The following FRMD4B variants were observed in gnomAD, a reference collection of about 807,000 sequenced individuals.
FRMD4B encodes the protein FERM domain containing 4B.
A neutral mutation model predicts 141.5 loss-of-function variants in FRMD4B; 74 were observed. The ratio of observed to expected loss-of-function variants is 0.52; its 90% CI spans 0.43 to 0.63. The LOEUF (loss-of-function observed/expected upper bound fraction) is 0.63, where lower values mean the gene tolerates loss of function less well. FRMD4B is among the 30% of genes least tolerant of loss of function. The pLI is 0.00. For missense variants in FRMD4B, 1,366 were observed against 1,253.4 expected (o/e 1.09, Z -1.36); for synonymous variants, 506 against 467.9 (o/e 1.08, Z -1.05).
At chr3:69,198,562 C>G (rs996763969) in intron 12 of FRMD4B, 136 bp downstream of exon 12, 1 of 619,546 alleles carries the variant, frequency 1.6e-6, no homozygotes, top group Non-Finnish European at 2.9e-6. Flanking sequence ...ACCATTTGAC[C>G]CAGCAATTCC....
chr3:69,223,027 G>T (rs1435122310), intron 8 of FRMD4B, among the ~76,000 whole-genome samples: 1 of 152,150 alleles, frequency 6.6e-6, no homozygotes, highest in Non-Finnish European at 1.5e-5. Flanking sequence ...AATTTAAACT[G>T]CTTCTGAGTC....
In FRMD4B at chr3:69,180,977, C is replaced by A; in HGVS notation, c.2773G>T (p.Gly925Ter). 6.2e-7 allele frequency: 1 copy of A among 1,613,958 alleles called. No homozygotes were observed. The highest frequency in any genetic ancestry group is 8.5e-7 in the Non-Finnish European group (1 of 1,179,862). Residue 925 changes from glycine to a stop codon, truncating the protein, a stop_gained, in exon 21 of 23, where the codon GGA becomes TGA. Transcript: ENST00000398540. LOFTEE classifies it high-confidence loss of function. The part of the protein sequence containing the change: ...SPQTSFDSDR[G>*]SQRCLGFAGL... Reference sequence around the variant, plus strand: ...GCAAACCCCAGGCATCTCTGTGATCCCCTGTCTGAGTCAAAGCTGGTCTGC... The same window carrying A: ...GCAAACCCCAGGCATCTCTGTGATCACCTGTCTGAGTCAAAGCTGGTCTGC...
intron 7 of FRMD4B, among the ~76,000 whole-genome samples, 191 bp from the exon 8 acceptor site, chr3:69,224,881 T>C (rs1351647965): frequency 8.8e-6 from 1 of 113,660 alleles, no homozygotes. Flanking sequence ...GATGTTGAAG[T>C]TTATAATATT....
intron 2 of FRMD4B, among the ~76,000 whole-genome samples, chr3:69,420,845 G>A (rs979259853): frequency 6.6e-6 from 1 of 152,186 alleles, no homozygotes; most frequent in Non-Finnish European, 1.5e-5. Context: ...AAAGAGCAGA[G>A]GAACTGTATG....
intron 1 of FRMD4B, among the ~76,000 whole-genome samples, chr3:69,338,487 T>TG (rs1170100907): frequency 6.6e-6 from 1 of 152,170 alleles, no homozygotes; most frequent in African/African-American, 2.4e-5. Context: ...ATATACACCA[T>TG]GGAATATTAT....
At chr3:69,377,303 G>A (rs1225216645) in intron 1 of FRMD4B, among the ~76,000 whole-genome samples, 1 of 152,084 alleles carries the variant, frequency 6.6e-6, no homozygotes, top group African/African-American at 2.4e-5. Flanking sequence ...CTACTATAAT[G>A]GTAAGTAGCT....
chr3:69,539,090 C>T (rs1244391593), intron 1 of FRMD4B, among the ~76,000 whole-genome samples: 8 of 152,246 alleles, frequency 5.3e-5, no homozygotes, highest in African/African-American at 1.4e-4. Context: ...AGAGATAGAG[C>T]GAGAGATCAC....
intron 4 of FRMD4B, among the ~76,000 whole-genome samples, chr3:69,300,125 G>A (rs1291571659): frequency 6.6e-6 from 1 of 152,152 alleles, no homozygotes; most frequent in Non-Finnish European, 1.5e-5. Flanking sequence ...CTTCACTGGA[G>A]CACAAGACAA....
intron 1 of FRMD4B, among the ~76,000 whole-genome samples, chr3:69,348,644 G>C (rs1304711700): frequency 6.6e-6 from 1 of 152,206 alleles, no homozygotes; most frequent in African/African-American, 2.4e-5. Context: ...CCATGATCAA[G>C]TGGGCTTCAT....
chr3:69,522,023 A>G (rs1415031703), intron 1 of FRMD4B, among the ~76,000 whole-genome samples: 2 of 152,210 alleles, frequency 1.3e-5, no homozygotes, highest in Non-Finnish European at 2.9e-5. Context: ...TGTGAAGGCC[A>G]CACATGTTTA....
intron 2 of FRMD4B, among the ~76,000 whole-genome samples, chr3:69,429,634 A>G (rs1007801416): frequency 6.6e-6 from 1 of 152,138 alleles, no homozygotes; most frequent in Non-Finnish European, 1.5e-5. Flanking sequence ...ATCCACACAC[A>G]TGAAATAAAA....
chr3:69,425,670 T>G (rs987860177), intron 2 of FRMD4B, among the ~76,000 whole-genome samples: 4 of 152,224 alleles, frequency 2.6e-5, no homozygotes, highest in Non-Finnish European at 5.9e-5. Flanking sequence ...AATTCCCAAT[T>G]CATTCAATCC....
intron 1 of FRMD4B, among the ~76,000 whole-genome samples, chr3:69,507,367 A>G (rs1458297191): frequency 6.6e-6 from 1 of 152,036 alleles, no homozygotes; most frequent in African/African-American, 2.4e-5. Flanking sequence ...GCACGTATGT[A>G]TGTGTGTATA....
chr3:69,352,991 C>A (rs997628509), intron 1 of FRMD4B, among the ~76,000 whole-genome samples: 1 of 151,778 alleles, frequency 6.6e-6, no homozygotes, highest in Non-Finnish European at 1.5e-5. Flanking sequence ...AAACGATGAA[C>A]AATTATAAAT....
At position 69,370,747 on chromosome 3, in the gene FRMD4B, A is replaced by G. The variant is rs190425952; in HGVS notation, c.162+15081T>C. The stretch of plus-strand genomic sequence containing the variant: ...CTCCAAATGCTTGGTGTCTTCTCAT[A>G]TCATGTGCTGCCTCTACCCTTGCCC... On this transcript the variant is annotated intron_variant, in intron 1 of 22. Transcript: ENST00000398540. Among the ~76,000 whole-genome samples the G allele has an allele frequency of 2.0e-5, 3 of 152,276 alleles. No individual in the cohort carries two copies. The East Asian group carries it at 5.8e-4, about 29-fold the overall frequency.
chr3:69,492,352 T>A (rs1243369635), intron 1 of FRMD4B, among the ~76,000 whole-genome samples: 1 of 152,216 alleles, frequency 6.6e-6, no homozygotes, highest in Non-Finnish European at 1.5e-5. Context: ...GCCAGTAGCT[T>A]GCTCAATAAG....
chr3:69,429,365 A>G (rs1197490045), intron 2 of FRMD4B, among the ~76,000 whole-genome samples: 1 of 152,248 alleles, frequency 6.6e-6, no homozygotes, highest in African/African-American at 2.4e-5. Flanking sequence ...CCCTACTGGC[A>G]TTCTCATCAA....
At chr3:69,536,990 C>T (rs1448098620) in intron 1 of FRMD4B, among the ~76,000 whole-genome samples, 1 of 152,158 alleles carries the variant, frequency 6.6e-6, no homozygotes, top group Non-Finnish European at 1.5e-5. Context: ...TCAAGGAATC[C>T]TCCTGCCCTG....
rs541065934 is a variant in FRMD4B at position 69,400,520 on chromosome 3, C to T, written c.-1+32114G>A. The stretch of plus-strand genomic sequence containing the variant: ...AGCCTGGAGGAAACTGAGGCTGGTA[C>T]TGGGTTAAAACTAACTACTGGATGA... On this transcript the variant is annotated intron_variant, in intron 2 of 5. Coordinates refer to the FRMD4B transcript ENST00000459638. Among the ~76,000 whole-genome samples the T allele has an allele frequency of 3.9e-5, 6 of 152,282 alleles. No homozygotes were observed. The South Asian group carries it at 1.2e-3, about 32-fold the overall frequency.
Sources: allele counts gnomAD v4.1 joint callset (sites outside exome capture counted in the v4.1 genomes callset), GRCh38; gene constraint gnomAD v4.1.1; transcripts MANE v1.5; gene names NCBI Gene and HGNC (gene_info 2026-07-23, HGNC 2026-07-21).